Variants in GPCPD1 observed in about 807,000 individuals in gnomAD.
GPCPD1 encodes glycerophosphocholine phosphodiesterase 1.
A neutral mutation model predicts 89.2 loss-of-function variants in GPCPD1; 29 were observed. The observed-to-expected ratio is 0.33, with a 90% CI of 0.24 to 0.44. The LOEUF (loss-of-function observed/expected upper bound fraction) is 0.44. GPCPD1 is among the 20% of genes least tolerant of loss of function. The pLI, the probability that GPCPD1 is intolerant of heterozygous loss-of-function variation, is 1.00. For missense variants in GPCPD1, 594 were observed against 808.9 expected, an observed-to-expected ratio of 0.73 and a Z score of 3.22; for synonymous variants, 258 against 266.3, an observed-to-expected ratio of 0.97 and a Z score of 0.30.
intron 7 of GPCPD1, among the ~76,000 whole-genome samples, chr20:5,579,075 C>T (rs1400650820): frequency 6.6e-6 from 1 of 152,010 alleles, no homozygotes; most frequent in Non-Finnish European, 1.5e-5. Context: ...GTCCCAGCTA[C>T]TCGGGAGGCT....
chr20:5,547,660 A>C lies in GPCPD1; in HGVS notation c.*1T>G. 6.4e-7 allele frequency: 1 copy of C among 1,569,820 alleles called. No homozygotes were observed. The highest frequency in any genetic ancestry group is 8.7e-7 in the Non-Finnish European group (1 of 1,143,122). Reference sequence around the variant, plus strand: ...CCAAAATGACCTCTGTGCAATAAAAACTAAGCATTCTCCACGTTATCAATG... The same window carrying C: ...CCAAAATGACCTCTGTGCAATAAAACCTAAGCATTCTCCACGTTATCAATG... On this transcript the variant is annotated 3_prime_UTR_variant, in exon 20 of 20. Transcript: ENST00000379019.
Position 5,610,939 on chromosome 20 carries a change from C to G in GPCPD1, c.-126G>C, listed in dbSNP as rs1391237473. 1 of 1,212 alleles carries G rather than the reference C, an allele frequency of 8.3e-4. No individual in the cohort carries two copies. The highest frequency in any genetic ancestry group is 4.9e-3 in the African/African-American group (1 of 204). 0.1% of individuals were successfully genotyped at this position (1,212 alleles called of 1,614,324 possible). ...CCGGGCGCCCGCCGTCCGTGCCTCG[C>G]CAGCGCTCCCCCCAGGCGGCCTGCC... is the stretch of plus-strand genomic sequence containing the variant. On this transcript the variant is annotated 5_prime_UTR_variant, in exon 1 of 20. Coordinates refer to ENST00000379019, the MANE Select transcript of GPCPD1 (RefSeq NM_019593.5).
At chr20:5,582,118 G>C (rs59784485) in intron 6 of GPCPD1, among the ~76,000 whole-genome samples, 8 of 141,582 alleles carry the variant, frequency 5.7e-5, no homozygotes, top group African/African-American at 1.9e-4. Flanking sequence ...CCCGGGAGGC[G>C]GAGCTTGCAG....
chr20:5,597,118 G>A (rs1447356808), intron 3 of GPCPD1, among the ~76,000 whole-genome samples: 1 of 152,138 alleles, frequency 6.6e-6, no homozygotes, highest in African/African-American at 2.4e-5. Flanking sequence ...TGAAAGACTA[G>A]TAAAGAATAT....
At chr20:5,581,244 T>C (rs1342113131) in intron 6 of GPCPD1, among the ~76,000 whole-genome samples, 2 of 152,200 alleles carry the variant, frequency 1.3e-5, no homozygotes, top group East Asian at 3.8e-4. Context: ...AAAGCAAATA[T>C]ACAGGTAGTC....
intron 2 of GPCPD1, among the ~76,000 whole-genome samples, chr20:5,602,671 C>T (rs979498467): frequency 6.6e-6 from 1 of 152,166 alleles, no homozygotes; most frequent in Non-Finnish European, 1.5e-5. Flanking sequence ...AGGAATTCAG[C>T]ATAAACAAGA....
chr20:5,580,186 A>T, intron 6 of GPCPD1, 55 bp from the exon 7 acceptor site: 1 of 927,938 alleles, frequency 1.1e-6, no homozygotes, highest in Non-Finnish European at 1.7e-6. Flanking sequence ...TTTAAACAAC[A>T]CAATAAGTAC....
intron 17 of GPCPD1, 36 bp from the exon 18 acceptor site, chr20:5,558,855 G>C: frequency 2.0e-6 from 3 of 1,472,318 alleles, no homozygotes; most frequent in East Asian, 2.4e-5. Flanking sequence ...CCTTTCAATG[G>C]GGGGTAACTG....
chr20:5,578,779 GGT>G (rs1258440093), intron 7 of GPCPD1, among the ~76,000 whole-genome samples, 168 bp from the exon 8 acceptor site: 1 of 152,100 alleles, frequency 6.6e-6, no homozygotes, highest in Admixed American at 6.5e-5. Context: ...TAAGGAATTA[GGT>G]GTGTTTTATA....
chr20:5,557,914 T>G (rs1003819174), intron 19 of GPCPD1, 31 bp downstream of exon 19: 1 of 1,260,938 alleles, frequency 7.9e-7, no homozygotes, highest in Admixed American at 2.1e-5. Flanking sequence ...ACTTCTAAAT[T>G]CCATGAAAAT....
At chr20:5,574,466 G>A (rs1256458797) in intron 10 of GPCPD1, among the ~76,000 whole-genome samples, 1 of 152,210 alleles carries the variant, frequency 6.6e-6, no homozygotes, top group African/African-American at 2.4e-5. Context: ...AAGTTGCGGT[G>A]GCTCACGCCT....
Position 5,584,310 on chromosome 20 carries a change from A to G in GPCPD1, c.320T>C (p.Ile107Thr). Reference protein sequence around the residue: ...RSITPLESEIIIDDGQFGIHN... With the variant: ...RSITPLESEITIDDGQFGIHN... ...GATTCCAAATTGTCCATCGTCAATA[A>G]TAATTTCGCTTTCTAGAATTTAAGG... Residue 107 changes from isoleucine to threonine, a missense_variant, in exon 6 of 20, where the codon ATT (isoleucine) becomes ACT (threonine). Ile to Thr is a moderately conservative substitution (Grantham distance 89). Coordinates refer to ENST00000379019, the MANE Select transcript of GPCPD1 (RefSeq NM_019593.5). 7.1e-7 allele frequency: 1 copy of G among 1,416,750 alleles called. No homozygotes were observed. The highest frequency in any genetic ancestry group is 1.0e-6 in the Non-Finnish European group (1 of 1,003,750). The allele number at this position is 1,416,750 out of a possible 1,614,324, so 87.8% of individuals were successfully genotyped here.
chr20:5,559,060 G>A (rs761549538), intron 17 of GPCPD1, among the ~76,000 whole-genome samples: 29 of 151,920 alleles, frequency 1.9e-4, no homozygotes, highest in Non-Finnish European at 2.8e-4. Flanking sequence ...AAAATTAGCC[G>A]AGTATCATGC....
At chr20:5,560,194 A>G (rs558699305) in intron 16 of GPCPD1, 118 bp from the exon 17 acceptor site, 1 of 562,186 alleles carries the variant, frequency 1.8e-6, no homozygotes, top group Admixed American at 3.8e-5. Flanking sequence ...TAGTCCAACT[A>G]CTATTTTATA....
chr20:5,568,981 ACT>A (rs1331010484), intron 12 of GPCPD1, among the ~76,000 whole-genome samples: 2 of 151,712 alleles, frequency 1.3e-5, no homozygotes, highest in Non-Finnish European at 2.9e-5. Flanking sequence ...TTATCACTTC[ACT>A]CTTTCTCATT....
chr20:5,549,478 T>C (rs1371838314), intron 19 of GPCPD1: 1 of 1,207,042 alleles, frequency 8.3e-7, no homozygotes, highest in East Asian at 2.5e-5. Flanking sequence ...GGTTTGTTGT[T>C]TAAGAAGACA....
At chr20:5,557,667 T>C (rs555558207) in intron 19 of GPCPD1, among the ~76,000 whole-genome samples, 21 of 152,208 alleles carry the variant, frequency 1.4e-4, no homozygotes, top group African/African-American at 4.6e-4. Flanking sequence ...AAAGTTGGTA[T>C]AGACAGAGAA....
rs779166223 is a variant in GPCPD1 at position 5,578,509 on chromosome 20, G to T, written c.576C>A (p.Ser192Arg). 6.2e-7 allele frequency: 1 copy of T among 1,613,194 alleles called. No individual in the cohort carries two copies. Among genetic ancestry groups the T allele is most frequent in the South Asian group, 1.1e-5 (1 of 91,058 alleles). ...MSNSLEISLISDNEFKCRHSQ... is the reference protein window; with the variant it reads ...MSNSLEISLIRDNEFKCRHSQ... ...AATGCCTGCACTTGAACTCATTGTC[G>T]CTTATTAAGGATATCTCCAAGCTAT... Residue 192 changes from serine to arginine, a missense_variant, in exon 8 of 20, where the codon AGC (serine) becomes AGA (arginine). Ser to Arg is a moderately radical substitution (Grantham distance 110). Coordinates refer to ENST00000379019, the MANE Select transcript of GPCPD1 (RefSeq NM_019593.5).
chr20:5,604,497 C>T (rs1026664922), intron 1 of GPCPD1, 57 bp from the exon 2 acceptor site: 2 of 760,590 alleles, frequency 2.6e-6, no homozygotes, highest in East Asian at 2.7e-5. Flanking sequence ...TAGCTAGCCA[C>T]CATCAAGAAA....
Sources: gnomAD v4.1 joint callset for allele counts (sites outside exome capture counted in the v4.1 genomes callset) on GRCh38, gnomAD v4.1.1 for gene constraint, MANE v1.5 for transcripts, NCBI Gene and HGNC (gene_info 2026-07-23, HGNC 2026-07-21) for gene names.